The following CNTNAP2 variants were observed in gnomAD, a reference collection of about 807,000 sequenced individuals.
CNTNAP2 encodes the protein contactin associated protein 2.
Under a neutral mutation model 155.2 loss-of-function variants are expected in CNTNAP2, and 98 were observed. The ratio of observed to expected loss-of-function variants is 0.63; its 90% CI spans 0.54 to 0.75. The LOEUF (loss-of-function observed/expected upper bound fraction) is 0.75, where lower values mean the gene tolerates loss of function less well. Among genes scored for constraint, CNTNAP2 ranks in the 30% least tolerant of loss-of-function variants. The pLI is 0.00. For synonymous variants in CNTNAP2, 651 were observed against 631.2 expected, an observed-to-expected ratio of 1.03 and a Z score of -0.47; for missense variants, 1,727 against 1,688.1, an observed-to-expected ratio of 1.02 and a Z score of -0.40.
intron 1 of CNTNAP2, among the ~76,000 whole-genome samples, chr7:146,766,302 C>G (rs1009555486): frequency 6.6e-6 from 1 of 152,130 alleles, no homozygotes. Flanking sequence ...CTATTTAAAA[C>G]TGCAGAAACC....
intron 1 of CNTNAP2, among the ~76,000 whole-genome samples, chr7:146,587,217 A>T: frequency 6.6e-6 from 1 of 152,142 alleles, no homozygotes; most frequent in Non-Finnish European, 1.5e-5. Flanking sequence ...CTGTGTATAC[A>T]TGGGCCTGCC....
At chr7:147,428,563 G>A (rs1311271072) in intron 10 of CNTNAP2, among the ~76,000 whole-genome samples, 1 of 152,084 alleles carries the variant, frequency 6.6e-6, no homozygotes, top group African/African-American at 2.4e-5. Context: ...AAGCTTAATT[G>A]TTGTTTATTA....
intron 15 of CNTNAP2, among the ~76,000 whole-genome samples, chr7:148,044,287 G>T (rs1802733593): frequency 6.6e-6 from 1 of 151,356 alleles, no homozygotes; most frequent in Non-Finnish European, 1.5e-5. Context: ...GGACGTGGTT[G>T]TGGATGTTCA....
chr7:147,387,652 T>G (rs1266033317), intron 9 of CNTNAP2, among the ~76,000 whole-genome samples: 1 of 152,170 alleles, frequency 6.6e-6, no homozygotes, highest in Non-Finnish European at 1.5e-5. Flanking sequence ...ATACAAGCAT[T>G]CAATAATGGG....
rs187963451 is a variant in CNTNAP2, at chr7:147,118,550, T to C, written c.755-2429T>C. On this transcript the variant is annotated intron_variant, in intron 5 of 23. Transcript: ENST00000361727. ...TGTGTCACTTTAAAATGGGGATGCGTTCTGAGAAATTCTGTGTGAGTTTCA... is the reference window on the plus strand; with the variant it reads ...TGTGTCACTTTAAAATGGGGATGCGCTCTGAGAAATTCTGTGTGAGTTTCA... Among the ~76,000 whole-genome samples the C allele has an allele frequency of 3.3e-5, 5 of 151,382 alleles. No homozygotes were observed. In the East Asian group the frequency reaches 5.8e-4, roughly 18 times the overall value.
At chr7:146,510,166 C>T (rs1278997071) in intron 1 of CNTNAP2, among the ~76,000 whole-genome samples, 1 of 152,210 alleles carries the variant, frequency 6.6e-6, no homozygotes, top group Admixed American at 6.5e-5. Context: ...TTCTCTCCCC[C>T]TCCTACAGAG....
chr7:147,545,020 C>A (rs1799706092), intron 11 of CNTNAP2, among the ~76,000 whole-genome samples: 1 of 152,092 alleles, frequency 6.6e-6, no homozygotes, highest in Non-Finnish European at 1.5e-5. Flanking sequence ...ATAATACACA[C>A]ACACACATAC....
chr7:148,362,318 T>C (rs904898168), intron 21 of CNTNAP2, among the ~76,000 whole-genome samples: 2 of 152,084 alleles, frequency 1.3e-5, no homozygotes, highest in African/African-American at 2.4e-5. Context: ...TCCCTTGACA[T>C]GTGGGGATTA....
At chr7:147,955,092 G>A (rs1800996514) in intron 14 of CNTNAP2, among the ~76,000 whole-genome samples, 1 of 152,192 alleles carries the variant, frequency 6.6e-6, no homozygotes, top group Non-Finnish European at 1.5e-5. Context: ...GTTCACTGTA[G>A]GGAAAATAAA....
intron 1 of CNTNAP2, among the ~76,000 whole-genome samples, chr7:146,289,161 T>C (rs1225755414): frequency 6.6e-6 from 1 of 152,108 alleles, no homozygotes; most frequent in South Asian, 2.1e-4. Flanking sequence ...TGAGAACCAA[T>C]GTAATGGCTG....
At chr7:147,733,136 G>C (rs1563069322) in intron 13 of CNTNAP2, among the ~76,000 whole-genome samples, 1 of 152,146 alleles carries the variant, frequency 6.6e-6, no homozygotes, top group Non-Finnish European at 1.5e-5. Context: ...GTATTGCCTA[G>C]GTTTTCTTCT....
chr7:146,426,275 C>T (rs977279091), intron 1 of CNTNAP2, among the ~76,000 whole-genome samples: 2 of 148,234 alleles, frequency 1.3e-5, no homozygotes, highest in African/African-American at 5.0e-5. Flanking sequence ...GCAGAGCAGA[C>T]ATTCAAGCAC....
At chr7:147,759,129 A>G (rs1165485315) in intron 13 of CNTNAP2, among the ~76,000 whole-genome samples, 2 of 152,190 alleles carry the variant, frequency 1.3e-5, no homozygotes, top group Non-Finnish European at 2.9e-5. Flanking sequence ...GTTCCTAAGG[A>G]CAATTCAGTC....
chr7:147,727,288 C>A (rs1796661326), intron 13 of CNTNAP2, among the ~76,000 whole-genome samples: 1 of 151,910 alleles, frequency 6.6e-6, no homozygotes, highest in Admixed American at 6.6e-5. Context: ...CGGTTTAAAT[C>A]AACAACCTGA....
intron 8 of CNTNAP2, among the ~76,000 whole-genome samples, chr7:147,278,484 G>C (rs1412944193): frequency 6.6e-6 from 1 of 151,546 alleles, no homozygotes; most frequent in Non-Finnish European, 1.5e-5. Context: ...TATAGTTGGG[G>C]ACAAAATTAT....
At chr7:146,904,810 C>T (rs989958286) in intron 3 of CNTNAP2, among the ~76,000 whole-genome samples, 1 of 152,144 alleles carries the variant, frequency 6.6e-6, no homozygotes, top group Non-Finnish European at 1.5e-5. Flanking sequence ...GCTCTTGTCA[C>T]TGACTGTGAA....
chr7:148,367,025 G>A (rs939905896), intron 21 of CNTNAP2, among the ~76,000 whole-genome samples: 3 of 152,182 alleles, frequency 2.0e-5, no homozygotes, highest in Non-Finnish European at 2.9e-5. Context: ...GAGGTGAAGA[G>A]ATTGAGACCA....
intron 1 of CNTNAP2, among the ~76,000 whole-genome samples, chr7:146,494,797 C>T (rs1797189966): frequency 6.6e-6 from 1 of 152,190 alleles, no homozygotes; most frequent in South Asian, 2.1e-4. Flanking sequence ...AATACATTTA[C>T]TACATAGGCA....
chr7:147,233,725 A>T (rs1442488283), intron 8 of CNTNAP2, among the ~76,000 whole-genome samples: 2 of 152,166 alleles, frequency 1.3e-5, no homozygotes. Flanking sequence ...ATCCAATTAT[A>T]CCTTATTTGA....
Sources: gnomAD v4.1 joint callset for allele counts (sites outside exome capture counted in the v4.1 genomes callset) on GRCh38, gnomAD v4.1.1 for gene constraint, MANE v1.5 for transcripts, NCBI Gene and HGNC (gene_info 2026-07-23, HGNC 2026-07-21) for gene names.